The following ZNF804B variants were observed in gnomAD, a reference collection of about 807,000 sequenced individuals.
ZNF804B encodes zinc finger 804B.
ZNF804B carries 80 observed loss-of-function variants against 101.4 expected under a neutral mutation model. The observed-to-expected ratio is 0.79, with a 90% CI of 0.66 to 0.95. The LOEUF (loss-of-function observed/expected upper bound fraction) is 0.95. Among genes scored for constraint, ZNF804B ranks in the 40% least tolerant of loss-of-function variants. The probability of loss-of-function intolerance (pLI) is 0.00; values close to 1 mark genes in which losing one functional copy is unlikely to be tolerated. For synonymous variants in ZNF804B, 622 were observed against 558.8 expected, an observed-to-expected ratio of 1.11 and a Z score of -1.59; for missense variants, 1,673 against 1,561.9, an observed-to-expected ratio of 1.07 and a Z score of -1.20.
At chr7:89,290,472 G>C (rs1236045695) in intron 2 of ZNF804B, among the ~76,000 whole-genome samples, 1 of 152,146 alleles carries the variant, frequency 6.6e-6, no homozygotes, top group Admixed American at 6.5e-5. Flanking sequence ...CCTGGAGCCA[G>C]AGAGCAGCCC....
chr7:88,843,858 C>T (rs1791326523), intron 1 of ZNF804B, among the ~76,000 whole-genome samples: 1 of 151,960 alleles, frequency 6.6e-6, no homozygotes, highest in Non-Finnish European at 1.5e-5. Context: ...ACATTTTATG[C>T]AAAAAGATCC....
intron 1 of ZNF804B, among the ~76,000 whole-genome samples, chr7:89,159,293 C>T (rs17308638): frequency 0.2 from 31,039 of 152,092 alleles, 3,379 homozygotes; most frequent in Middle Eastern, 0.39. Context: ...TGAAACTTGA[C>T]GAGGGTATTT....
chr7:89,047,187 C>G (rs1029081488), intron 1 of ZNF804B, among the ~76,000 whole-genome samples: 2 of 152,094 alleles, frequency 1.3e-5, no homozygotes, highest in Non-Finnish European at 2.9e-5. Flanking sequence ...CAGCAAACAT[C>G]GTCATTGTAG....
intron 2 of ZNF804B, among the ~76,000 whole-genome samples, chr7:89,297,972 A>G (rs12534855): frequency 0.23 from 34,068 of 146,812 alleles, 4,238 homozygotes; most frequent in Admixed American, 0.28. Context: ...ATCAGGCATT[A>G]CATTTACTTA....
At chr7:88,862,868 C>T (rs1301530137) in intron 1 of ZNF804B, among the ~76,000 whole-genome samples, 1 of 152,152 alleles carries the variant, frequency 6.6e-6, no homozygotes, top group African/African-American at 2.4e-5. Flanking sequence ...TTTGCTTCCA[C>T]TCCTGTCTCA....
At chr7:89,249,917 G>T (rs1428153861) in intron 2 of ZNF804B, among the ~76,000 whole-genome samples, 1 of 152,156 alleles carries the variant, frequency 6.6e-6, no homozygotes, top group Non-Finnish European at 1.5e-5. Flanking sequence ...GCCAGCTGTG[G>T]TGGTTCACAC....
At chr7:89,287,304 A>G (rs1790216789) in intron 2 of ZNF804B, among the ~76,000 whole-genome samples, 1 of 152,104 alleles carries the variant, frequency 6.6e-6, no homozygotes. Flanking sequence ...AACTATATAT[A>G]TACATATGTA....
chr7:89,083,629 C>A (rs749711416), intron 1 of ZNF804B, among the ~76,000 whole-genome samples: 1 of 151,700 alleles, frequency 6.6e-6, no homozygotes, highest in Admixed American at 6.6e-5. Context: ...GTAGCAAAAC[C>A]GTTACACTTT....
chr7:89,255,793 A>G (rs1472637049), intron 2 of ZNF804B, among the ~76,000 whole-genome samples: 2 of 152,198 alleles, frequency 1.3e-5, no homozygotes, highest in Non-Finnish European at 2.9e-5. Context: ...AATCTGTAAA[A>G]AAGTGTTTCT....
At chr7:88,882,818 A>G (rs1792063954) in intron 1 of ZNF804B, among the ~76,000 whole-genome samples, 1 of 152,082 alleles carries the variant, frequency 6.6e-6, no homozygotes, top group South Asian at 2.1e-4. Flanking sequence ...TTACACACGG[A>G]CATAAAAGTG....
intron 1 of ZNF804B, among the ~76,000 whole-genome samples, chr7:89,069,401 C>A (rs1208583617): frequency 6.6e-6 from 1 of 152,036 alleles, no homozygotes; most frequent in Non-Finnish European, 1.5e-5. Flanking sequence ...CTAATATGAG[C>A]TTATTAAGTA....
intron 1 of ZNF804B, among the ~76,000 whole-genome samples, chr7:88,770,962 A>T (rs1369183164): frequency 1.3e-5 from 2 of 152,214 alleles, no homozygotes; most frequent in Non-Finnish European, 2.9e-5. Context: ...TACACATTTT[A>T]ATGTAGTGCA....
intron 1 of ZNF804B, among the ~76,000 whole-genome samples, chr7:88,806,843 G>A (rs1790699762): frequency 6.6e-6 from 1 of 152,064 alleles, no homozygotes; most frequent in Non-Finnish European, 1.5e-5. Context: ...CCTGTGTTCA[G>A]TGACTCATTG....
chr7:89,285,546 A>AAAAAAAAAAAAAAAAAAAGAAGAAGAAG (rs1554389597), intron 2 of ZNF804B, among the ~76,000 whole-genome samples: 1 of 93,420 alleles, frequency 1.1e-5, no homozygotes, highest in African/African-American at 5.0e-5. Context: ...AAAAAAAAAA[A>AAAAAAAAAAAAAAAAAAAGAAGAAGAAG]AAGAAGAAGA....
chr7:89,199,621 A>G (rs1172325805), intron 1 of ZNF804B, among the ~76,000 whole-genome samples: 2 of 151,830 alleles, frequency 1.3e-5, no homozygotes, highest in African/African-American at 2.4e-5. Context: ...ACCCATGAGA[A>G]ACCGAAGCTC....
intron 1 of ZNF804B, among the ~76,000 whole-genome samples, chr7:89,039,049 T>C (rs994481767): frequency 6.6e-6 from 1 of 152,042 alleles, no homozygotes; most frequent in Non-Finnish European, 1.5e-5. Context: ...ATTGCCAATA[T>C]CACGACATTT....
chr7:89,030,005 G>A (rs988182743), intron 1 of ZNF804B, among the ~76,000 whole-genome samples: 6 of 152,110 alleles, frequency 3.9e-5, no homozygotes, highest in Non-Finnish European at 8.8e-5. Context: ...TTGTGGTTAC[G>A]TTACCAGCTG....
intron 1 of ZNF804B, among the ~76,000 whole-genome samples, chr7:88,985,372 A>G (rs1234925253): frequency 6.6e-6 from 1 of 151,992 alleles, no homozygotes; most frequent in African/African-American, 2.4e-5. Flanking sequence ...ATTTATTTTT[A>G]TTTTAAAATT....
intron 1 of ZNF804B, among the ~76,000 whole-genome samples, chr7:89,015,866 T>A (rs1788546091): frequency 6.6e-6 from 1 of 152,108 alleles, no homozygotes; most frequent in Non-Finnish European, 1.5e-5. Flanking sequence ...ATGGGATGGC[T>A]GGGTCAAATG....
Sources: gnomAD v4.1 joint callset for allele counts (sites outside exome capture counted in the v4.1 genomes callset) on GRCh38, gnomAD v4.1.1 for gene constraint, MANE v1.5 for transcripts, NCBI Gene and HGNC (gene_info 2026-07-23, HGNC 2026-07-21) for gene names.